Variants in TNPO3 observed in about 807,000 individuals in gnomAD.
The protein encoded by TNPO3 is transportin-3.
In TNPO3, 65 loss-of-function variants were observed where a neutral mutation model predicts 122.8. The ratio of observed to expected loss-of-function variants is 0.53; its 90% CI spans 0.43 to 0.65. The LOEUF is 0.65. TNPO3 is among the 30% of genes least tolerant of loss of function. TNPO3 has a pLI of 0.00. For synonymous variants in TNPO3, 372 were observed against 411.2 expected, an observed-to-expected ratio of 0.90 and a Z score of 1.15; for missense variants, 850 against 1,136.7, an observed-to-expected ratio of 0.75 and a Z score of 3.63.
At chr7:128,963,186 G>C (rs1002385689) in intron 21 of TNPO3, among the ~76,000 whole-genome samples, 1 of 152,158 alleles carries the variant, frequency 6.6e-6, no homozygotes, top group Non-Finnish European at 1.5e-5. Context: ...TTATGAGACT[G>C]GTAGTACTAA....
chr7:128,957,113 G>T, intron 22 of TNPO3, 111 bp downstream of exon 22: 1 of 921,794 alleles, frequency 1.1e-6, no homozygotes, highest in Non-Finnish European at 1.7e-6. Flanking sequence ...GTCCTTCCCT[G>T]ACTCTAGCTA....
rs1472303554 is a variant in TNPO3, at chr7:128,990,027, G to A, written c.1432C>T (p.Arg478Ter). Reference protein sequence around the residue: ...RLPETVHTAVRYTSIELVGEM... With the variant: ...RLPETVHTAV ...CCAACCAATTCAATGCTGGTGTATC[G>A]CACAGCCGTATGTACGGTCTCCGGG... Residue 478 changes from arginine (R) to a stop codon, truncating the protein, a stop_gained, in exon 11 of 23, where the codon CGA becomes TGA. Transcript: ENST00000265388. LOFTEE classifies it high-confidence loss of function. 3.1e-6 allele frequency: 5 copies of A among 1,613,978 alleles called. No homozygotes were observed. The highest frequency in any genetic ancestry group is 4.2e-6 in the Non-Finnish European group (5 of 1,179,968).
chr7:128,956,486 T>C (rs1454348985), intron 22 of TNPO3, among the ~76,000 whole-genome samples: 1 of 152,216 alleles, frequency 6.6e-6, no homozygotes, highest in Non-Finnish European at 1.5e-5. Flanking sequence ...GAGCCAAAGA[T>C]GCTCCTCCTC....
intron 1 of TNPO3, 39 bp downstream of exon 1, chr7:129,054,612 C>T: frequency 1.9e-6 from 3 of 1,610,216 alleles, no homozygotes; most frequent in South Asian, 2.2e-5. Flanking sequence ...CACCCCGCCC[C>T]GGCCGTGCGG....
intron 1 of TNPO3, among the ~76,000 whole-genome samples, chr7:129,023,364 A>T (rs1804757683): frequency 6.6e-6 from 1 of 151,476 alleles, no homozygotes; most frequent in African/African-American, 2.4e-5. Flanking sequence ...TAGATAATTT[A>T]TATATATTAT....
At chr7:129,012,383 G>A (rs1803321565) in intron 4 of TNPO3, among the ~76,000 whole-genome samples, 1 of 151,926 alleles carries the variant, frequency 6.6e-6, no homozygotes, top group Non-Finnish European at 1.5e-5. Flanking sequence ...AAAGATCTAT[G>A]AACTTGCTAT....
chr7:129,007,025 A>G (rs140192091), intron 4 of TNPO3, among the ~76,000 whole-genome samples: 3 of 152,254 alleles, frequency 2.0e-5, no homozygotes, highest in African/African-American at 7.2e-5. Flanking sequence ...AGGCCATTAC[A>G]TTTCAGGGGG....
At chr7:129,007,715 T>C (rs1449130557) in intron 4 of TNPO3, among the ~76,000 whole-genome samples, 1 of 152,174 alleles carries the variant, frequency 6.6e-6, no homozygotes, top group Non-Finnish European at 1.5e-5. Flanking sequence ...AAAGGTGGAG[T>C]TGCAGCTAAC....
At chr7:129,014,854 A>G in intron 4 of TNPO3, 125 bp downstream of exon 4, 1 of 922,672 alleles carries the variant, frequency 1.1e-6, no homozygotes, top group Middle Eastern at 3.0e-4. Context: ...GGTGTTACAT[A>G]AATACCAAAG....
At chr7:129,020,173 G>T (rs1420213018) in intron 1 of TNPO3, among the ~76,000 whole-genome samples, 1 of 150,974 alleles carries the variant, frequency 6.6e-6, no homozygotes, top group Non-Finnish European at 1.5e-5. Flanking sequence ...AGCTTTCAAT[G>T]AAATAAGGGG....
chr7:129,002,557 T>G (rs1802052480), intron 5 of TNPO3, among the ~76,000 whole-genome samples: 1 of 152,198 alleles, frequency 6.6e-6, no homozygotes, highest in Non-Finnish European at 1.5e-5. Flanking sequence ...AGATGCAAAT[T>G]ATTTATTAGG....
rs148454273 is a variant in TNPO3 at position 128,975,793 on chromosome 7, G to A, written c.2178+26C>T. The A allele has an allele frequency of 6.6e-4, 974 of 1,468,218 alleles. 3 individuals are homozygous for A. In the African/African-American group the frequency reaches 0.011, roughly 17 times the overall value. 90.9% of individuals were successfully genotyped at this position (1,468,218 alleles called of 1,614,324 possible). ...CCTTCAGACCCTCTAGGCCTGATGC[G>A]TCTACACTCCTCATGGAAAAGATAC... On this transcript the variant is annotated intron_variant, in intron 17 of 22. Transcript: ENST00000265388.
At chr7:129,001,325 C>A in intron 5 of TNPO3, 91 bp from the exon 6 acceptor site, 1 of 1,036,310 alleles carries the variant, frequency 9.6e-7, no homozygotes, top group South Asian at 2.4e-5. Flanking sequence ...TTCAATCAAC[C>A]ATCGATAGAA....
chr7:129,003,039 C>CAAAAA (rs56226072), intron 5 of TNPO3, among the ~76,000 whole-genome samples: 1,943 of 53,168 alleles, frequency 0.037, 94 homozygotes, highest in Non-Finnish European at 0.04. Flanking sequence ...GACTCCCTCT[C>CAAAAA]AAAAAAAAAA....
chr7:128,974,639 G>T (rs1798871497), intron 18 of TNPO3, among the ~76,000 whole-genome samples: 2 of 124,810 alleles, frequency 1.6e-5, no homozygotes, highest in South Asian at 5.1e-4. Flanking sequence ...TCTTGTGTGT[G>T]AGCCCTCCTT....
intron 1 of TNPO3, among the ~76,000 whole-genome samples, chr7:129,020,467 G>T (rs1584577054): frequency 6.6e-6 from 1 of 152,024 alleles, no homozygotes; most frequent in Non-Finnish European, 1.5e-5. Context: ...TTGAGACAGG[G>T]TCTCGCTCTG....
At position 128,997,543 on chromosome 7, in the gene TNPO3, G is replaced by A. The variant is rs1443902329; in HGVS notation, c.1012-8C>T. ...AAATGAAATTTCTACTACCTGTTAGGTTAAAAGAGATGATTTATTTGAATG... is the reference window on the plus strand; with the variant it reads ...AAATGAAATTTCTACTACCTGTTAGATTAAAAGAGATGATTTATTTGAATG... On this transcript the variant is annotated splice_polypyrimidine_tract_variant and splice_region_variant and intron_variant, in intron 7 of 22. Coordinates refer to ENST00000265388, the MANE Select transcript of TNPO3 (RefSeq NM_012470.4). 12 of 1,610,026 alleles carry A rather than the reference G, an allele frequency of 7.5e-6. No individual in the cohort carries two copies. Among genetic ancestry groups the A allele is most frequent in the Non-Finnish European group, 9.3e-6 (11 of 1,176,766 alleles).
Position 129,014,982 on chromosome 7 carries a change from T to A in TNPO3, c.549A>T (p.Leu183=). The A allele has an allele frequency of 6.3e-7, 1 of 1,588,398 alleles. No individual in the cohort carries two copies. Among genetic ancestry groups the A allele is most frequent in the East Asian group, 2.3e-5 (1 of 44,286 alleles). The change falls in exon 4 of 23, where the codon CTA becomes CTT. Residue 183 remains leucine, a synonymous_variant. Transcript: ENST00000265388. ...TTAGTATTTCAAACTTACTCACCAATAGAGATACTACTGTACTAGAGTAGA... is the reference window on the plus strand; with the variant it reads ...TTAGTATTTCAAACTTACTCACCAAAAGAGATACTACTGTACTAGAGTAGA... ...LAFYSSTVVS[L]LMTCVEKAGT...
Position 128,990,035 on chromosome 7 carries a change from G to A in TNPO3, c.1424C>T (p.Thr475Met), listed in dbSNP as rs200236830. The change falls in exon 11 of 23, where the codon ACG (threonine) becomes ATG (methionine). Residue 475 changes from threonine to methionine, a missense_variant. Transcript: ENST00000265388. ...TTCAATGCTGGTGTATCGCACAGCC[G>A]TATGTACGGTCTCCGGGAGGCGGAC... ...GVVRLPETVH[T>M]AVRYTSIELV... 17 of 1,614,038 alleles carry A rather than the reference G, an allele frequency of 1.1e-5. No individual in the cohort carries two copies. Among genetic ancestry groups the A allele is most frequent in the Admixed American group, 8.3e-5 (5 of 59,998 alleles).
Sources: allele counts gnomAD v4.1 joint callset (sites outside exome capture counted in the v4.1 genomes callset), GRCh38; gene constraint gnomAD v4.1.1; transcripts MANE v1.5; gene names NCBI Gene and HGNC (gene_info 2026-07-23, HGNC 2026-07-21).